The following MTUS1 variants were observed in gnomAD, a reference collection of about 807,000 sequenced individuals.
MTUS1 encodes microtubule associated scaffold protein 1.
MTUS1 carries 109 observed loss-of-function variants against 120.8 expected under a neutral mutation model. That is an observed-to-expected ratio of 0.90 (90% CI 0.77 to 1.06). The LOEUF (loss-of-function observed/expected upper bound fraction) is 1.06. Ranked by LOEUF, MTUS1 falls within the 50% of genes least tolerant of loss-of-function variation. MTUS1 has a pLI of 0.00. For synonymous variants in MTUS1, 737 were observed against 550.5 expected, an observed-to-expected ratio of 1.34 and a Z score of -4.74; for missense variants, 2,210 against 1,486.3, an observed-to-expected ratio of 1.49 and a Z score of -8.01.
chr8:17,654,026 G>A (rs941387244), intron 10 of MTUS1: 7 of 158,100 alleles, frequency 4.4e-5, no homozygotes, highest in Non-Finnish European at 6.9e-5. Context: ...TCACACAGCC[G>A]GTTCTTAGCA....
At chr8:17,772,108 C>A (rs1036310462) in intron 1 of MTUS1, among the ~76,000 whole-genome samples, 5 of 152,126 alleles carry the variant, frequency 3.3e-5, no homozygotes, top group African/African-American at 1.2e-4. Context: ...CATCATCTTG[C>A]CTCATAAATG....
At chr8:17,692,402 A>C (rs1817130885) in intron 6 of MTUS1, among the ~76,000 whole-genome samples, 1 of 152,206 alleles carries the variant, frequency 6.6e-6, no homozygotes, top group Non-Finnish European at 1.5e-5. Flanking sequence ...CTAAGAAGAC[A>C]GCAGAGATGA....
At chr8:17,684,951 A>G (rs1815445695) in intron 6 of MTUS1, among the ~76,000 whole-genome samples, 1 of 152,192 alleles carries the variant, frequency 6.6e-6, no homozygotes, top group African/African-American at 2.4e-5. Context: ...TGGACTTTAA[A>G]TTAAATGCCT....
chr8:17,797,977 T>A (rs1269205484), intron 1 of MTUS1, among the ~76,000 whole-genome samples: 5 of 152,164 alleles, frequency 3.3e-5, no homozygotes, highest in Admixed American at 3.3e-4. Flanking sequence ...TGGAAATTAA[T>A]CCAGGAAATT....
rs181603170 is a variant in MTUS1, at chr8:17,733,223, C to G, written c.2288-9390G>C. ...AAAACTAGCTGGGCGTGGTGGCAGG[C>G]ACCTACAATCTCAGCTACTCGGTAG... On this transcript the variant is annotated intron_variant, in intron 3 of 14. Coordinates refer to ENST00000693296, the MANE Select transcript of MTUS1 (RefSeq NM_001363059.2). 1.4e-3 allele frequency among the ~76,000 whole-genome samples: 219 copies of G among 152,090 alleles called. 1 individual carries two copies. The highest frequency in any genetic ancestry group is 0.01 in the Middle Eastern group (3 of 294).
chr8:17,692,443 A>G (rs760536441), intron 6 of MTUS1, among the ~76,000 whole-genome samples: 3 of 152,172 alleles, frequency 2.0e-5, no homozygotes, highest in Non-Finnish European at 4.4e-5. Context: ...CCACCGAACA[A>G]CCTCAAAGCT....
In MTUS1 at chr8:17,653,486, C is replaced by A. The variant is rs373373586; in HGVS notation, c.3227G>T (p.Gly1076Val). Residue 1076 changes from glycine (G) to valine (V), a missense_variant, in exon 11 of 15, where the codon GGC becomes GTC. Transcript: ENST00000693296. The stretch of plus-strand genomic sequence containing the variant: ...AAGCGATTTCTTTTCTATTTCATGG[C>A]CTTTCTTAATTTCTGGGAAAATAAA... The part of the protein sequence containing the change: ...YEASLSEIKK[G>V]HEIEKKSLED... 8.1e-6 allele frequency: 13 copies of A among 1,610,558 alleles called. No homozygotes were observed. The highest frequency in any genetic ancestry group is 1.7e-4 in the Middle Eastern group (1 of 5,988).
intron 6 of MTUS1, chr8:17,691,263 C>G (rs1816885713): frequency 6.6e-6 from 1 of 152,202 alleles, no homozygotes; most frequent in Non-Finnish European, 1.5e-5. Flanking sequence ...GACATACTGT[C>G]CCTTTCAACA....
intron 2 of MTUS1, among the ~76,000 whole-genome samples, chr8:17,750,373 G>A (rs990283627): frequency 6.6e-6 from 1 of 152,150 alleles, no homozygotes; most frequent in Non-Finnish European, 1.5e-5. Flanking sequence ...CTTTTAAAAA[G>A]CAACCCAAAA....
chr8:17,786,108 C>T (rs1259094137), intron 1 of MTUS1, among the ~76,000 whole-genome samples: 1 of 152,108 alleles, frequency 6.6e-6, no homozygotes, highest in Non-Finnish European at 1.5e-5. Flanking sequence ...CCAAAGCACT[C>T]CAGCCTGGGT....
At chr8:17,727,363 C>T (rs1389726940) in intron 3 of MTUS1, among the ~76,000 whole-genome samples, 5 of 152,174 alleles carry the variant, frequency 3.3e-5, no homozygotes, top group South Asian at 2.1e-4. Flanking sequence ...TAACCACCTG[C>T]CCAGTGTTCC....
At position 17,658,759 on chromosome 8, in the gene MTUS1, A is replaced by G. The variant is rs557964314; in HGVS notation, c.2906-2694T>C. Among the ~76,000 whole-genome samples the G allele has an allele frequency of 5.3e-5, 8 of 152,332 alleles. No individual in the cohort carries two copies. In the South Asian group the frequency reaches 1.0e-3, roughly 20 times the overall value. ...AGGAACGTGAAAATGGCAGGTTCTT[A>G]GGAAGATTTCCTACAATGGTGTCAA... is the stretch of plus-strand genomic sequence containing the variant. On this transcript the variant is annotated intron_variant, in intron 8 of 14. Transcript: ENST00000693296.
intron 3 of MTUS1, among the ~76,000 whole-genome samples, chr8:17,728,658 G>A (rs749549551): frequency 2.0e-5 from 3 of 152,170 alleles, no homozygotes; most frequent in Non-Finnish European, 2.9e-5. Context: ...GAACACAGGT[G>A]GGAAGAAGAA....
At chr8:17,647,443 C>A (rs1249647925) in intron 13 of MTUS1, among the ~76,000 whole-genome samples, 5 of 148,954 alleles carry the variant, frequency 3.4e-5, no homozygotes, top group Admixed American at 2.7e-4. Context: ...TATCTCCTTA[C>A]GGTGAATTTT....
At chr8:17,718,625 C>T (rs1468461530) in intron 4 of MTUS1, among the ~76,000 whole-genome samples, 2 of 152,014 alleles carry the variant, frequency 1.3e-5, no homozygotes, top group African/African-American at 2.4e-5. Flanking sequence ...AGAGACAATA[C>T]ATAAAATTTT....
chr8:17,698,737 C>G (rs1169332489), intron 6 of MTUS1, among the ~76,000 whole-genome samples: 1 of 152,094 alleles, frequency 6.6e-6, no homozygotes, highest in African/African-American at 2.4e-5. Flanking sequence ...CCCCCTCCCT[C>G]TTCACTCAAG....
chr8:17,753,710 T>C lies in MTUS1; in HGVS notation c.2091+7A>G, dbSNP rs767131927. ...AAGCATGCAAAAAATATATATATAT[T>C]ACTTACCAAAAACAGAGAACCATAT... On this transcript the variant is annotated splice_region_variant and intron_variant, in intron 2 of 14. Transcript: ENST00000693296. The C allele has an allele frequency of 2.2e-5, 34 of 1,566,376 alleles. No individual in the cohort carries two copies. In the South Asian group the frequency reaches 4.0e-4, roughly 18 times the overall value.
chr8:17,701,460 A>T (rs535440363), intron 6 of MTUS1, among the ~76,000 whole-genome samples: 2 of 152,354 alleles, frequency 1.3e-5, no homozygotes, highest in South Asian at 4.1e-4. Context: ...ATTTTGCAAT[A>T]AGCAAAATAA....
At chr8:17,669,671 C>T (rs1811614793) in intron 8 of MTUS1, among the ~76,000 whole-genome samples, 1 of 152,058 alleles carries the variant, frequency 6.6e-6, no homozygotes, top group Admixed American at 6.6e-5. Flanking sequence ...CATGGTGAAA[C>T]CTCGTCTCTA....
Sources: allele counts gnomAD v4.1 joint callset (sites outside exome capture counted in the v4.1 genomes callset), GRCh38; gene constraint gnomAD v4.1.1; transcripts MANE v1.5; gene names NCBI Gene and HGNC (gene_info 2026-07-23, HGNC 2026-07-21).